Variants in COLQ observed in about 807,000 individuals in gnomAD.
COLQ encodes collagen like tail subunit of asymmetric acetylcholinesterase.
Under a neutral mutation model 69.0 loss-of-function variants are expected in COLQ, and 48 were observed. The observed-to-expected ratio is 0.70, with a 90% CI of 0.55 to 0.88. The LOEUF (loss-of-function observed/expected upper bound fraction) is 0.88, where lower values mean the gene tolerates loss of function less well. Among genes scored for constraint, COLQ ranks in the 40% least tolerant of loss-of-function variants. The pLI is 0.00. For missense variants in COLQ, 618 were observed against 594.6 expected, an observed-to-expected ratio of 1.04 and a Z score of -0.41; for synonymous variants, 217 against 211.2, an observed-to-expected ratio of 1.03 and a Z score of -0.24.
At chr3:15,484,190 C>T (rs1014357560) in intron 3 of COLQ, among the ~76,000 whole-genome samples, 3 of 8,766 alleles carry the variant, frequency 3.4e-4, no homozygotes, top group East Asian at 4.8e-3. Context: ...TGTTTTTTAA[C>T]TGGAGCATTT....
At chr3:15,486,644 G>C (rs1007942485) in intron 3 of COLQ, among the ~76,000 whole-genome samples, 1 of 152,180 alleles carries the variant, frequency 6.6e-6, no homozygotes, top group African/African-American at 2.4e-5. Flanking sequence ...GCACCTCCGA[G>C]GATTCTCATC....
chr3:15,498,480 C>G (rs1229096543), intron 1 of COLQ: 2 of 1,545,878 alleles, frequency 1.3e-6, no homozygotes, highest in Admixed American at 3.9e-5. Context: ...CACACACACA[C>G]ACACACGTGC....
intron 1 of COLQ, among the ~76,000 whole-genome samples, chr3:15,498,049 C>T (rs2062772797): frequency 6.6e-6 from 1 of 152,176 alleles, no homozygotes; most frequent in African/African-American, 2.4e-5. Context: ...GTGGCTGTGC[C>T]TCTGAGCCAA....
intron 1 of COLQ, among the ~76,000 whole-genome samples, chr3:15,517,394 G>T (rs2063077296): frequency 2.0e-5 from 3 of 152,150 alleles, no homozygotes; most frequent in African/African-American, 7.2e-5. Context: ...AAGTGGTGCT[G>T]CCCCCATTCA....
intron 12 of COLQ, among the ~76,000 whole-genome samples, chr3:15,462,735 C>T (rs1169542639): frequency 6.6e-6 from 1 of 152,182 alleles, no homozygotes; most frequent in Non-Finnish European, 1.5e-5. Flanking sequence ...GAGGCAATGA[C>T]CAGGGCTCAG....
intron 1 of COLQ, among the ~76,000 whole-genome samples, chr3:15,494,186 G>A (rs760083530): frequency 2.0e-5 from 3 of 152,198 alleles, no homozygotes; most frequent in African/African-American, 7.2e-5. Flanking sequence ...TTGGAAAGTC[G>A]TAGGAAACCA....
At chr3:15,514,365 C>G (rs2125185387) in intron 1 of COLQ, among the ~76,000 whole-genome samples, 1 of 152,040 alleles carries the variant, frequency 6.6e-6, no homozygotes, top group South Asian at 2.1e-4. Context: ...TTAGAAATTC[C>G]CAGGGTGTGT....
At chr3:15,509,818 C>T (rs1003443008) in intron 1 of COLQ, among the ~76,000 whole-genome samples, 2 of 152,256 alleles carry the variant, frequency 1.3e-5, no homozygotes, top group Non-Finnish European at 1.5e-5. Flanking sequence ...ATGTCCCCAA[C>T]TCAGCCTCAG....
rs994428758 is a variant in COLQ at position 15,498,858 on chromosome 3, C to T, written c.107-9221G>A. ...GCTTGGAGGACAAGAGTGCCTTCAG[C>T]CCAGGGGAGGATATGAGGTTGGGAG... On this transcript the variant is annotated intron_variant, in intron 1 of 16. Coordinates refer to ENST00000383788, the MANE Select transcript of COLQ (RefSeq NM_005677.4). 2.9e-6 allele frequency: 4 copies of T among 1,395,742 alleles called. No individual in the cohort carries two copies. In the East Asian group the frequency reaches 1.1e-4, roughly 38 times the overall value. 86.5% of individuals were successfully genotyped at this position (1,395,742 alleles called of 1,614,324 possible). A position where few individuals can be genotyped will look rare whatever the true frequency, so the allele number is the denominator to read the frequency against.
At chr3:15,456,767 G>C (rs2062032489) in intron 13 of COLQ, among the ~76,000 whole-genome samples, 188 bp from the exon 14 acceptor site, 1 of 152,108 alleles carries the variant, frequency 6.6e-6, no homozygotes, top group Admixed American at 6.6e-5. Flanking sequence ...TCTCAATCGA[G>C]TTCCTAATGT....
intron 1 of COLQ, among the ~76,000 whole-genome samples, chr3:15,513,603 T>C (rs754971946): frequency 6.6e-6 from 1 of 152,188 alleles, no homozygotes; most frequent in African/African-American, 2.4e-5. Flanking sequence ...TTGCCTTCTC[T>C]TCCCTGTCTC....
At chr3:15,472,087 T>C (rs2062298478) in intron 10 of COLQ, among the ~76,000 whole-genome samples, 2 of 152,128 alleles carry the variant, frequency 1.3e-5, no homozygotes, top group Admixed American at 6.5e-5. Flanking sequence ...ATGGTCATCA[T>C]ATCAGCTCTG....
intron 1 of COLQ, among the ~76,000 whole-genome samples, chr3:15,507,190 TTGCAAACATCTGCTGA>T (rs1293581561): frequency 6.6e-6 from 1 of 152,208 alleles, no homozygotes; most frequent in Non-Finnish European, 1.5e-5. Context: ...TTTGGATGAT[TTGCAAACATCTGCTGA>T]TGCAAACAAT....
At chr3:15,516,192 G>A (rs975615787) in intron 1 of COLQ, among the ~76,000 whole-genome samples, 18 of 152,214 alleles carry the variant, frequency 1.2e-4, no homozygotes, top group African/African-American at 4.3e-4. Flanking sequence ...GTAAATCAGA[G>A]GAGATGGCTG....
At position 15,477,128 on chromosome 3, in the gene COLQ, TG is replaced by T; in HGVS notation, c.462del (p.Arg155GlyfsTer9). The T allele has an allele frequency of 6.2e-7, 1 of 1,600,526 alleles. No individual in the cohort carries two copies. The highest frequency in any genetic ancestry group is 8.5e-7 in the Non-Finnish European group (1 of 1,173,892). ...CCCTGAGAGCATGCCACACTTACCC[TG>T]GGTCCTTCAGGGCCTGGCCAACCGA... ...GPIGWPGPEGPRGEKGDLGMM... is the reference protein window; with the variant it reads ...GPIGWPGPEGXRGEKGDLGMM... On this transcript the variant is annotated frameshift_variant, in exon 6 of 17. Transcript: ENST00000383788. LOFTEE classifies it high-confidence loss of function.
Position 15,475,431 on chromosome 3 carries a change from GC to G in COLQ, c.521del (p.Gly174AlafsTer50). The G allele has an allele frequency of 1.3e-6, 2 of 1,598,262 alleles. No homozygotes were observed. Among genetic ancestry groups the G allele is most frequent in the Non-Finnish European group, 1.7e-6 (2 of 1,171,452 alleles). On this transcript the variant is annotated frameshift_variant, in exon 7 of 17. Coordinates refer to ENST00000383788, the MANE Select transcript of COLQ (RefSeq NM_005677.4). LOFTEE classifies it high-confidence loss of function. ...MGLPGSRGPM[G>X]SKGYPGSRGE... is the part of the protein sequence containing the mutation. ...ATTTGGACCCCACACTGACCTTGGA[GC>G]CCATTGGTCCTCTTGACCCTGGCAA...
chr3:15,463,471 C>T (rs1027445804), intron 12 of COLQ, among the ~76,000 whole-genome samples: 20 of 151,926 alleles, frequency 1.3e-4, no homozygotes, highest in African/African-American at 4.8e-4. Flanking sequence ...CTCAGCCTCC[C>T]ATGTAGCTGG....
At chr3:15,466,103 C>CT (rs2062195664) in intron 12 of COLQ, among the ~76,000 whole-genome samples, 1 of 152,188 alleles carries the variant, frequency 6.6e-6, no homozygotes, top group African/African-American at 2.4e-5. Context: ...CATTAATGTG[C>CT]TTTTTTTCTG....
At chr3:15,503,730 G>C (rs2062864420) in intron 1 of COLQ, among the ~76,000 whole-genome samples, 1 of 152,026 alleles carries the variant, frequency 6.6e-6, no homozygotes, top group Non-Finnish European at 1.5e-5. Context: ...ATGCACCCAA[G>C]GTCAAACACA....
Sources: allele counts gnomAD v4.1 joint callset (sites outside exome capture counted in the v4.1 genomes callset), GRCh38; gene constraint gnomAD v4.1.1; transcripts MANE v1.5; gene names NCBI Gene and HGNC (gene_info 2026-07-23, HGNC 2026-07-21).